Variants in PPP1R9A observed in about 807,000 individuals in gnomAD.
The protein encoded by PPP1R9A is protein phosphatase 1 regulatory subunit 9A, also known as neurabin-1.
Under a neutral mutation model 141.9 loss-of-function variants are expected in PPP1R9A, and 59 were observed. The observed-to-expected ratio is 0.42, with a 90% CI of 0.34 to 0.52. The LOEUF is 0.52. PPP1R9A is among the 20% of genes least tolerant of loss of function. PPP1R9A has a pLI of 0.10. For synonymous variants in PPP1R9A, 500 were observed against 569.7 expected (o/e 0.88, Z 1.74); for missense variants, 1,444 against 1,611.9 (o/e 0.90, Z 1.78).
At chr7:95,001,024 T>A (rs1285925264) in intron 2 of PPP1R9A, among the ~76,000 whole-genome samples, 1 of 152,184 alleles carries the variant, frequency 6.6e-6, no homozygotes, top group Non-Finnish European at 1.5e-5. Context: ...ATTTAATAAT[T>A]TGTTTGTCAT....
At chr7:95,145,447 G>A (rs1427966557) in intron 4 of PPP1R9A, among the ~76,000 whole-genome samples, 1 of 152,042 alleles carries the variant, frequency 6.6e-6, no homozygotes, top group African/African-American at 2.4e-5. Context: ...ACCACAAAAG[G>A]CAGAAAAAGA....
intron 7 of PPP1R9A, among the ~76,000 whole-genome samples, chr7:95,211,137 A>G (rs1467267323): frequency 7.9e-6 from 1 of 126,454 alleles, no homozygotes; most frequent in African/African-American, 2.7e-5. Context: ...CCCAGAACTT[A>G]AAGTATAAAA....
intron 2 of PPP1R9A, among the ~76,000 whole-genome samples, chr7:94,956,041 G>T (rs994701010): frequency 1.3e-5 from 2 of 152,144 alleles, no homozygotes; most frequent in Non-Finnish European, 2.9e-5. Flanking sequence ...CCTGTTGCCT[G>T]ACACTACGTT....
chr7:94,927,908 T>C (rs1793676650), intron 2 of PPP1R9A, among the ~76,000 whole-genome samples: 1 of 152,192 alleles, frequency 6.6e-6, no homozygotes, highest in African/African-American at 2.4e-5. Flanking sequence ...ACCATTGGGA[T>C]TTATTGTCAA....
intron 2 of PPP1R9A, among the ~76,000 whole-genome samples, chr7:95,059,665 G>A (rs1295800408): frequency 2.0e-5 from 3 of 152,130 alleles, no homozygotes; most frequent in African/African-American, 7.2e-5. Flanking sequence ...ATGAGGTTGA[G>A]CATAACAGAA....
At chr7:95,084,665 T>TA (rs1265235413) in intron 2 of PPP1R9A, among the ~76,000 whole-genome samples, 11 of 152,014 alleles carry the variant, frequency 7.2e-5, no homozygotes, top group African/African-American at 2.7e-4. Context: ...TTGTACTTGT[T>TA]ATAAATGGTG....
intron 2 of PPP1R9A, among the ~76,000 whole-genome samples, chr7:94,967,229 A>G (rs1004480581): frequency 6.6e-6 from 1 of 151,666 alleles, no homozygotes; most frequent in Admixed American, 6.6e-5. Flanking sequence ...TAGTCTGGCT[A>G]GTGGTCTATT....
rs17166520 is a variant in PPP1R9A at position 94,915,658 on chromosome 7, G to C, written c.1395+4150G>C. On this transcript the variant is annotated intron_variant, in intron 2 of 19. Transcript: ENST00000433360. The stretch of plus-strand genomic sequence containing the variant: ...TATGGAGTAAGTTAACACACTTCAG[G>C]TTCAAACCAGGTTGGAAGGACCACG... 6.4e-3 allele frequency among the ~76,000 whole-genome samples: 980 copies of C among 152,224 alleles called. 12 individuals are homozygous for C. Among genetic ancestry groups the C allele is most frequent in the African/African-American group, 0.023 (935 of 41,534 alleles).
At chr7:95,270,065 G>A (rs1801927782) in intron 14 of PPP1R9A, among the ~76,000 whole-genome samples, 1 of 152,148 alleles carries the variant, frequency 6.6e-6, no homozygotes, top group African/African-American at 2.4e-5. Context: ...GAAGTCTTAT[G>A]GGAGTACAGT....
At chr7:95,266,885 A>C (rs1801381245) in intron 12 of PPP1R9A, among the ~76,000 whole-genome samples, 1 of 152,138 alleles carries the variant, frequency 6.6e-6, no homozygotes, top group Admixed American at 6.6e-5. Flanking sequence ...GGGCAGCTAC[A>C]AATATAGATT....
chr7:94,925,549 G>T (rs532126679), intron 2 of PPP1R9A, among the ~76,000 whole-genome samples: 5 of 152,198 alleles, frequency 3.3e-5, no homozygotes, highest in African/African-American at 1.2e-4. Context: ...GATTCCCTCT[G>T]TTGGGCAGTG....
chr7:95,185,029 T>G (rs953059782), intron 5 of PPP1R9A, among the ~76,000 whole-genome samples: 1 of 150,468 alleles, frequency 6.6e-6, no homozygotes, highest in East Asian at 1.9e-4. Flanking sequence ...CTTTTAAGTT[T>G]TTTTTTTTTT....
chr7:95,290,950 T>C lies in PPP1R9A; in HGVS notation c.*647T>C, dbSNP rs1013501423. 1 of 152,360 alleles carries C rather than the reference T, an allele frequency of 6.6e-6. No homozygotes were observed. The highest frequency in any genetic ancestry group is 1.5e-5 in the Non-Finnish European group (1 of 68,196). 9.4% of individuals were successfully genotyped at this position (152,360 alleles called of 1,614,324 possible). A position where few individuals can be genotyped will look rare whatever the true frequency, so the allele number is the denominator to read the frequency against. ...AGAAAGAAAATAAATTATAGCTATT[T>C]GTTAACCACTGAAAAAAGCAAAAGC... On this transcript the variant is annotated 3_prime_UTR_variant, in exon 20 of 20. Transcript: ENST00000433360.
At chr7:94,939,803 C>T (rs550408368) in intron 2 of PPP1R9A, among the ~76,000 whole-genome samples, 8 of 131,744 alleles carry the variant, frequency 6.1e-5, no homozygotes, top group African/African-American at 2.4e-4. Context: ...TGTATACATA[C>T]ATGTATATAT....
chr7:95,150,362 G>T (rs1472714029), intron 4 of PPP1R9A, among the ~76,000 whole-genome samples: 1 of 152,164 alleles, frequency 6.6e-6, no homozygotes, highest in Non-Finnish European at 1.5e-5. Context: ...GAGTGCCGTG[G>T]CACAATCTCG....
At chr7:95,270,154 TCA>T (rs199627592) in intron 14 of PPP1R9A, among the ~76,000 whole-genome samples, 1,819 of 152,228 alleles carry the variant, frequency 0.012, 20 homozygotes, top group Middle Eastern at 0.027. Context: ...ACTGTGTATC[TCA>T]CAAACCTAAA....
chr7:95,238,851 T>G (rs765405885), intron 8 of PPP1R9A, among the ~76,000 whole-genome samples: 26 of 152,184 alleles, frequency 1.7e-4, no homozygotes, highest in Non-Finnish European at 3.2e-4. Flanking sequence ...TGAACCTGTC[T>G]CTTATTATGC....
At chr7:95,138,141 C>T (rs1294743597) in intron 4 of PPP1R9A, among the ~76,000 whole-genome samples, 1 of 151,962 alleles carries the variant, frequency 6.6e-6, no homozygotes, top group African/African-American at 2.4e-5. Flanking sequence ...ACCGTATTAG[C>T]CAGGATGGTC....
At chr7:95,081,356 A>G (rs902279961) in intron 2 of PPP1R9A, among the ~76,000 whole-genome samples, 3 of 152,182 alleles carry the variant, frequency 2.0e-5, no homozygotes, top group African/African-American at 7.2e-5. Flanking sequence ...AAGAATATTA[A>G]AATAGTTATT....
Sources: allele counts gnomAD v4.1 joint callset (sites outside exome capture counted in the v4.1 genomes callset), GRCh38; gene constraint gnomAD v4.1.1; transcripts MANE v1.5; gene names NCBI Gene and HGNC (gene_info 2026-07-23, HGNC 2026-07-21).